CPT2: variants seen among roughly 807,000 people sequenced by gnomAD.
CPT2 encodes carnitine palmitoyltransferase 2.
A neutral mutation model predicts 48.6 loss-of-function variants in CPT2; 37 were observed. That is an observed-to-expected ratio of 0.76 (90% CI 0.59 to 1.00). The LOEUF is 1.00. Among genes scored for constraint, CPT2 ranks in the 50% least tolerant of loss-of-function variants. The pLI, the probability that CPT2 is intolerant of heterozygous loss-of-function variation, is 0.00. For synonymous variants in CPT2, 319 were observed against 326.9 expected, an observed-to-expected ratio of 0.98 and a Z score of 0.26; for missense variants, 772 against 825.6, an observed-to-expected ratio of 0.94 and a Z score of 0.80.
intron 3 of CPT2, chr1:53,208,841 C>T (rs1381972645): frequency 6.6e-6 from 1 of 152,204 alleles, no homozygotes; most frequent in African/African-American, 2.4e-5. Flanking sequence ...CAATGCTATA[C>T]TACTTTACAC....
chr1:53,209,936 G>A (rs1217188025), intron 3 of CPT2, 79 bp from the exon 4 acceptor site: 37 of 1,268,976 alleles, frequency 2.9e-5, no homozygotes, highest in Non-Finnish European at 3.7e-5. Flanking sequence ...GTCTATGCTT[G>A]AATTTTTTTT....
At chr1:53,204,106 GTGAGTCCTT>G (rs1440242054) in intron 3 of CPT2, 4 of 152,126 alleles carry the variant, frequency 2.6e-5, no homozygotes, top group African/African-American at 9.7e-5. Context: ...GGGCCACTCT[GTGAGTCCTT>G]TGAATCTGGA....
chr1:53,201,088 TTTA>T, intron 2 of CPT2: 1 of 452,996 alleles, frequency 2.2e-6, no homozygotes, highest in Non-Finnish European at 4.1e-6. Context: ...GTCCTGGTCA[TTTA>T]TAGAGAGCAT....
At position 53,196,903 on chromosome 1, in the gene CPT2, C is replaced by A. The variant is rs745619478; in HGVS notation, c.-41C>A. On this transcript the variant is annotated 5_prime_UTR_variant, in exon 1 of 5. Coordinates refer to ENST00000371486, the MANE Select transcript of CPT2 (RefSeq NM_000098.3). The stretch of plus-strand genomic sequence containing the variant: ...GGCCTTGTGTTTAGACTCCAGAACT[C>A]CCCACTTGCCGCGTTCTCGCCGCCG... 6.5e-7 allele frequency: 1 copy of A among 1,534,726 alleles called. No homozygotes were observed. The highest frequency in any genetic ancestry group is 2.5e-5 in the East Asian group (1 of 39,786).
intron 2 of CPT2, chr1:53,201,937 C>A: frequency 4.0e-6 from 1 of 251,788 alleles, no homozygotes; most frequent in Non-Finnish European, 7.8e-6. Context: ...TATTATTATC[C>A]ATTTTACACA....
intron 1 of CPT2, 172 bp from the exon 2 acceptor site, chr1:53,200,547 C>A (rs1305814669): frequency 4.8e-6 from 3 of 626,484 alleles, no homozygotes; most frequent in Non-Finnish European, 8.7e-6. Flanking sequence ...AGTAGAGTTA[C>A]CATTGATATA....
intron 1 of CPT2, among the ~76,000 whole-genome samples, chr1:53,198,699 A>G (rs1018649667): frequency 3.3e-5 from 5 of 152,232 alleles, no homozygotes; most frequent in Admixed American, 1.3e-4. Context: ...GGAAAGCTGG[A>G]AAGAATATTC....
chr1:53,210,645 G>T lies in CPT2; in HGVS notation c.971G>T (p.Cys324Phe). Reference protein sequence around the residue: ...SLRKVDSAVFCLCLDDFPIKD... With the variant: ...SLRKVDSAVFFLCLDDFPIKD... Reference sequence around the variant, plus strand: ...AGGAAAGTGGACTCGGCAGTGTTCTGTCTCTGCCTAGATGACTTCCCCATT... The same window carrying T: ...AGGAAAGTGGACTCGGCAGTGTTCTTTCTCTGCCTAGATGACTTCCCCATT... The change falls in exon 4 of 5, where the codon TGT becomes TTT. Residue 324 changes from cysteine (C) to phenylalanine (F), a missense_variant. Coordinates refer to ENST00000371486, the MANE Select transcript of CPT2 (RefSeq NM_000098.3). 6.2e-7 allele frequency: 1 copy of T among 1,614,160 alleles called. No homozygotes were observed. Among genetic ancestry groups the T allele is most frequent in the Non-Finnish European group, 8.5e-7 (1 of 1,180,034 alleles).
In CPT2 at chr1:53,210,198, T is replaced by C. The variant is rs773993374; in HGVS notation, c.524T>C (p.Val175Ala). ...CGGGCTGGCCTTCTGGAGCCAGAAG[T>C]GTTCCACTTGAACCCTGCAAAAAGT... The part of the protein sequence containing the change: ...TLRAGLLEPE[V>A]FHLNPAKSDT... Residue 175 changes from valine (V) to alanine (A), a missense_variant, in exon 4 of 5, where the codon GTG becomes GCG. Val to Ala is a moderately conservative substitution (Grantham distance 64). Coordinates refer to ENST00000371486, the MANE Select transcript of CPT2 (RefSeq NM_000098.3). 2 of 1,614,124 alleles carry C rather than the reference T, an allele frequency of 1.2e-6. No homozygotes were observed. Among genetic ancestry groups the C allele is most frequent in the East Asian group, 2.2e-5 (1 of 44,862 alleles).
chr1:53,204,776 C>T (rs1645377308), intron 3 of CPT2, among the ~76,000 whole-genome samples: 1 of 152,144 alleles, frequency 6.6e-6, no homozygotes, highest in Non-Finnish European at 1.5e-5. Context: ...AGTGGTTTCT[C>T]ACGAGCTCTG....
Position 53,211,068 on chromosome 1 carries a change from C to A in CPT2, c.1394C>A (p.Ala465Glu). 6.2e-7 allele frequency: 1 copy of A among 1,614,186 alleles called. No individual in the cohort carries two copies. The highest frequency in any genetic ancestry group is 8.5e-7 in the Non-Finnish European group (1 of 1,180,014). ...FLKKQKLSPD[A>E]VAQLAFQMAF... ...AAGAAGCAAAAGCTGAGCCCTGACG[C>A]AGTTGCCCAGCTGGCATTCCAGATG... The change falls in exon 4 of 5, where the codon GCA (alanine) becomes GAA (glutamate). Residue 465 changes from alanine to glutamate, a missense_variant. Physicochemically the swap from Ala to Glu is moderately radical, Grantham distance 107. Coordinates refer to ENST00000371486, the MANE Select transcript of CPT2 (RefSeq NM_000098.3).
chr1:53,205,477 A>G (rs1645381480), intron 3 of CPT2, among the ~76,000 whole-genome samples: 2 of 152,380 alleles, frequency 1.3e-5, no homozygotes, highest in Middle Eastern at 3.4e-3. Context: ...GAAGCAGAGC[A>G]TAAAAGTTTG....
chr1:53,211,310 G>A lies in CPT2; in HGVS notation c.1636G>A (p.Ala546Thr). The A allele has an allele frequency of 6.2e-7, 1 of 1,604,500 alleles. No individual in the cohort carries two copies. The highest frequency in any genetic ancestry group is 8.5e-7 in the Non-Finnish European group (1 of 1,175,712). ...GTACCATGGCCAGCTGACCAAAGAA[G>A]CAGCAATGGGTGAGGCAGGGGTGGG... The part of the protein sequence containing the change: ...SKYHGQLTKE[A>T]AMGQGFDRHL... Residue 546 changes from alanine to threonine, a missense_variant, in exon 4 of 5, where the codon GCA becomes ACA. Ala to Thr is a moderately conservative substitution (Grantham distance 58). Coordinates refer to ENST00000371486, the MANE Select transcript of CPT2 (RefSeq NM_000098.3).
chr1:53,202,748 C>CA (rs1645362095), intron 3 of CPT2: 2 of 377,304 alleles, frequency 5.3e-6, no homozygotes, highest in African/African-American at 4.2e-5. Context: ...CCTTCACTGT[C>CA]AGACAGAACT....
intron 1 of CPT2, among the ~76,000 whole-genome samples, chr1:53,197,861 C>T (rs1237846768): frequency 6.6e-6 from 1 of 152,052 alleles, no homozygotes; most frequent in African/African-American, 2.4e-5. Context: ...CCCTCAGTAC[C>T]CCATCCACAC....
intron 1 of CPT2, chr1:53,200,143 A>G (rs1013497308): frequency 2.0e-5 from 3 of 153,434 alleles, no homozygotes; most frequent in Non-Finnish European, 4.3e-5. Context: ...TTATTTAAGC[A>G]CAGGGACTAT....
chr1:53,210,634 G>A lies in CPT2; in HGVS notation c.960G>A (p.Ser320=), dbSNP rs569273347. ...AGGAGAGCCTGAGGAAAGTGGACTC[G>A]GCAGTGTTCTGTCTCTGCCTAGATG... ...GNEESLRKVD[S]AVFCLCLDDF... Residue 320 remains serine (S), a synonymous_variant, in exon 4 of 5, where the codon TCG becomes TCA. Transcript: ENST00000371486. The A allele has an allele frequency of 9.3e-6, 15 of 1,614,108 alleles. No homozygotes were observed. The highest frequency in any genetic ancestry group is 4.5e-5 in the East Asian group (2 of 44,870).
chr1:53,207,418 G>A (rs543802583), intron 3 of CPT2: 2 of 152,212 alleles, frequency 1.3e-5, no homozygotes, highest in African/African-American at 2.4e-5. Flanking sequence ...AGTAAGGGAA[G>A]AAGGTTTGAG....
At position 53,213,147 on chromosome 1, in the gene CPT2, C is replaced by G. The variant is rs548205405; in HGVS notation, c.1646-117C>G. ...GTTGGTGGTGTGCATAGAGGTAGAG[C>G]CTTCCCCCACTCTCAAGGATGCTGT... On this transcript the variant is annotated intron_variant, in intron 4 of 4. Transcript: ENST00000371486. 6.4e-6 allele frequency: 6 copies of G among 942,934 alleles called. No individual in the cohort carries two copies. The East Asian group carries it at 1.5e-4, about 23-fold the overall frequency. The allele number at this position is 942,934 out of a possible 1,614,324, so 58.4% of individuals were successfully genotyped here. A position where few individuals can be genotyped will look rare whatever the true frequency, so the allele number is the denominator to read the frequency against.
Sources: allele counts gnomAD v4.1 joint callset (sites outside exome capture counted in the v4.1 genomes callset), GRCh38; gene constraint gnomAD v4.1.1; transcripts MANE v1.5; gene names NCBI Gene and HGNC (gene_info 2026-07-23, HGNC 2026-07-21).